The following RANBP17 variants were observed in gnomAD, a reference collection of about 807,000 sequenced individuals.
RANBP17 encodes ran-binding protein 17.
Under a neutral mutation model 141.2 loss-of-function variants are expected in RANBP17, and 158 were observed. The observed-to-expected ratio is 1.12, with a 90% CI of 0.98 to 1.28. The LOEUF is 1.28. RANBP17 is among the 50% of genes most tolerant of loss of function. The pLI, the probability that RANBP17 is intolerant of heterozygous loss-of-function variation, is 0.00. For missense variants in RANBP17, 1,438 were observed against 1,290.7 expected (o/e 1.11, Z -1.75); for synonymous variants, 430 against 450.0 (o/e 0.96, Z 0.56).
intron 22 of RANBP17, among the ~76,000 whole-genome samples, chr5:171,230,154 G>T (rs900576824): frequency 2.0e-5 from 3 of 152,186 alleles, no homozygotes; most frequent in African/African-American, 7.2e-5. Flanking sequence ...AAAGAATTAT[G>T]ATGTGTTGTG....
chr5:171,213,868 G>A lies in RANBP17; in HGVS notation c.2339+130G>A, dbSNP rs1763059531. On this transcript the variant is annotated intron_variant, in intron 21 of 27. Transcript: ENST00000523189. ...GAGCCCAGGAACCAAGACTTAAGAT[G>A]ATTAGTGAAAACAGAATTAGAGACA... 4 of 712,424 alleles carry A rather than the reference G, an allele frequency of 5.6e-6. No individual in the cohort carries two copies. In the Admixed American group the frequency reaches 6.6e-5, roughly 12 times the overall value. The allele number at this position is 712,424 out of a possible 1,614,324, so 44.1% of individuals were successfully genotyped here.
At chr5:171,142,178 A>T (rs1378092859) in intron 14 of RANBP17, among the ~76,000 whole-genome samples, 1 of 152,074 alleles carries the variant, frequency 6.6e-6, no homozygotes, top group East Asian at 1.9e-4. Context: ...TAGAGCTTCC[A>T]TTTTTTTGTC....
At chr5:171,285,843 C>G (rs1183870349) in intron 25 of RANBP17, among the ~76,000 whole-genome samples, 1 of 152,200 alleles carries the variant, frequency 6.6e-6, no homozygotes, top group Non-Finnish European at 1.5e-5. Context: ...AAACTGCTTT[C>G]ATTGTGATGT....
At chr5:170,911,735 G>A (rs766172628) in intron 7 of RANBP17, among the ~76,000 whole-genome samples, 21 of 151,860 alleles carry the variant, frequency 1.4e-4, no homozygotes, top group South Asian at 4.1e-4. Flanking sequence ...ATCTTTCAGG[G>A]TTATAAAGAG....
chr5:171,065,804 TC>T (rs1202512899), intron 14 of RANBP17, among the ~76,000 whole-genome samples: 1 of 152,152 alleles, frequency 6.6e-6, no homozygotes, highest in African/African-American at 2.4e-5. Flanking sequence ...CTACCCTGCC[TC>T]CTTTCCCACC....
intron 14 of RANBP17, among the ~76,000 whole-genome samples, chr5:171,082,345 G>T (rs1411489649): frequency 6.6e-6 from 1 of 152,088 alleles, no homozygotes; most frequent in Non-Finnish European, 1.5e-5. Flanking sequence ...GGTACATGAG[G>T]ATTAATTCTA....
chr5:171,195,886 C>T (rs1761950083), intron 18 of RANBP17, among the ~76,000 whole-genome samples: 1 of 152,172 alleles, frequency 6.6e-6, no homozygotes, highest in South Asian at 2.1e-4. Context: ...ACTTTGAAAA[C>T]AGTAAGAGCC....
intron 25 of RANBP17, among the ~76,000 whole-genome samples, chr5:171,268,523 A>T (rs1359443381): frequency 6.6e-6 from 1 of 152,148 alleles, no homozygotes; most frequent in Non-Finnish European, 1.5e-5. Context: ...TGCTATCAAA[A>T]TGTCAGCGCG....
chr5:171,178,269 G>T (rs1434752910), intron 16 of RANBP17, among the ~76,000 whole-genome samples: 1 of 150,280 alleles, frequency 6.7e-6, no homozygotes, highest in Non-Finnish European at 1.5e-5. Context: ...AGAACATGTG[G>T]TGTTTGGTTT....
intron 24 of RANBP17, among the ~76,000 whole-genome samples, chr5:171,250,012 GAA>G (rs2128002783): frequency 6.6e-6 from 1 of 152,266 alleles, no homozygotes; most frequent in South Asian, 2.1e-4. Context: ...AACTGCAAAA[GAA>G]AAGCATCTAG....
chr5:170,862,647 G>T (rs897651115), intron 1 of RANBP17, among the ~76,000 whole-genome samples: 4 of 152,094 alleles, frequency 2.6e-5, no homozygotes, highest in African/African-American at 9.7e-5. Flanking sequence ...CTCTTCGGAG[G>T]AGGAAACCCG....
chr5:170,911,213 A>G (rs183502839), intron 7 of RANBP17, 79 bp downstream of exon 7: 1 of 1,303,348 alleles, frequency 7.7e-7, no homozygotes, highest in Admixed American at 2.2e-5. Flanking sequence ...ATGTATAGTT[A>G]TCTTTTTGCC....
At chr5:171,220,046 C>T (rs1035147253) in intron 21 of RANBP17, among the ~76,000 whole-genome samples, 5 of 152,096 alleles carry the variant, frequency 3.3e-5, no homozygotes, top group Non-Finnish European at 4.4e-5. Context: ...TACCTTCAAT[C>T]TTTGAGGCTG....
At chr5:171,254,390 A>G (rs917474485) in intron 24 of RANBP17, among the ~76,000 whole-genome samples, 1 of 152,112 alleles carries the variant, frequency 6.6e-6, no homozygotes, top group African/African-American at 2.4e-5. Context: ...CATAGCATTT[A>G]TGTTATTTTC....
intron 12 of RANBP17, among the ~76,000 whole-genome samples, chr5:170,943,511 A>C (rs1423186279): frequency 6.6e-6 from 1 of 152,154 alleles, no homozygotes; most frequent in African/African-American, 2.4e-5. Flanking sequence ...TACAGCAATA[A>C]TTATTTTGTT....
intron 13 of RANBP17, among the ~76,000 whole-genome samples, chr5:170,965,516 G>A (rs1416669385): frequency 6.6e-6 from 1 of 152,146 alleles, no homozygotes; most frequent in African/African-American, 2.4e-5. Context: ...TTCTTCTAGG[G>A]TTTTTATGGT....
At chr5:171,003,566 A>AG (rs1234489200) in intron 14 of RANBP17, among the ~76,000 whole-genome samples, 2 of 152,168 alleles carry the variant, frequency 1.3e-5, no homozygotes, top group Non-Finnish European at 2.9e-5. Context: ...TGAGCTTTGG[A>AG]GGGGGATACC....
rs528031611 is a variant in RANBP17, at chr5:171,196,390, G to T, written c.2039-3280G>T. 6.6e-5 allele frequency among the ~76,000 whole-genome samples: 10 copies of T among 152,318 alleles called. No individual in the cohort carries two copies. The South Asian group carries it at 2.1e-3, about 32-fold the overall frequency. On this transcript the variant is annotated intron_variant, in intron 18 of 27. Coordinates refer to ENST00000523189, the MANE Select transcript of RANBP17 (RefSeq NM_022897.5). ...ATGGAGAAAGAGACGGAATCAGAAA[G>T]TTTTTTTATCTGTCGCTCAGAATAT...
chr5:170,875,935 ACT>A (rs1221622868), intron 1 of RANBP17, among the ~76,000 whole-genome samples: 2 of 150,734 alleles, frequency 1.3e-5, no homozygotes, highest in African/African-American at 4.9e-5. Flanking sequence ...TTTTGTGGGG[ACT>A]CTTTTTGTTG....
Sources: gnomAD v4.1 joint callset for allele counts (sites outside exome capture counted in the v4.1 genomes callset) on GRCh38, gnomAD v4.1.1 for gene constraint, MANE v1.5 for transcripts, NCBI Gene and HGNC (gene_info 2026-07-23, HGNC 2026-07-21) for gene names.